Variants in C7orf33 observed in about 807,000 individuals in gnomAD.
C7orf33 encodes uncharacterized protein C7orf33.
C7orf33 carries 15 observed loss-of-function variants against 13.4 expected under a neutral mutation model. That is an observed-to-expected ratio of 1.12 (90% CI 0.75 to 1.72). The LOEUF (loss-of-function observed/expected upper bound fraction) is 1.72. Ranked by LOEUF, C7orf33 falls within the 40% of genes most tolerant of loss-of-function variation. The pLI is 0.00. For synonymous variants in C7orf33, 73 were observed against 83.2 expected (o/e 0.88, Z 0.67); for missense variants, 187 against 220.3 (o/e 0.85, Z 0.96).
At chr7:148,595,254 A>C (rs1796315214) in intron 1 of C7orf33, among the ~76,000 whole-genome samples, 1 of 144,062 alleles carries the variant, frequency 6.9e-6, no homozygotes. Context: ...GATATATATC[A>C]TGTATAATAT....
chr7:148,605,849 C>T (rs969599689), intron 1 of C7orf33, among the ~76,000 whole-genome samples: 6 of 152,176 alleles, frequency 3.9e-5, no homozygotes, highest in Non-Finnish European at 2.9e-5. Flanking sequence ...CTAGTTAACA[C>T]TTTTTATATT....
At chr7:148,607,502 T>C (rs1796487968) in intron 1 of C7orf33, among the ~76,000 whole-genome samples, 1 of 152,188 alleles carries the variant, frequency 6.6e-6, no homozygotes, top group South Asian at 2.1e-4. Flanking sequence ...AATGTAGATT[T>C]ATTGATTAAA....
intron 1 of C7orf33, among the ~76,000 whole-genome samples, chr7:148,602,734 G>A (rs1264662092): frequency 6.6e-6 from 1 of 152,112 alleles, no homozygotes; most frequent in Non-Finnish European, 1.5e-5. Flanking sequence ...AAACAAAACT[G>A]CCTTTATCCA....
At position 148,591,088 on chromosome 7, in the gene C7orf33, C is replaced by G. The variant is rs1281084333; in HGVS notation, c.163C>G (p.Pro55Ala). 6.2e-7 allele frequency: 1 copy of G among 1,613,626 alleles called. No homozygotes were observed. Among genetic ancestry groups the G allele is most frequent in the Non-Finnish European group, 8.5e-7 (1 of 1,179,906 alleles). The part of the protein sequence containing the change: ...VAVWVHVRGG[P>A]GQFNLSYATG... ...TGTTTGGGTCCACGTTAGGGGCGGT[C>G]CAGGTCAATTTAACTTGTCATATGC... The change falls in exon 1 of 3, where the codon CCA (proline) becomes GCA (alanine). Residue 55 changes from proline (P) to alanine (A), a missense_variant. Transcript: ENST00000307003.
chr7:148,611,456 G>T (rs1796542164), intron 1 of C7orf33, among the ~76,000 whole-genome samples: 1 of 152,206 alleles, frequency 6.6e-6, no homozygotes, highest in Admixed American at 6.5e-5. Context: ...CCGAGGGAAG[G>T]TCGGCCAGGG....
At chr7:148,599,592 A>G (rs1796390262) in intron 1 of C7orf33, among the ~76,000 whole-genome samples, 1 of 148,814 alleles carries the variant, frequency 6.7e-6, no homozygotes, top group South Asian at 2.1e-4. Context: ...TCCTGCCTCC[A>G]GCTTCCCAAG....
chr7:148,592,616 G>A (rs1294139216), intron 1 of C7orf33, among the ~76,000 whole-genome samples: 1 of 151,326 alleles, frequency 6.6e-6, no homozygotes, highest in Non-Finnish European at 1.5e-5. Flanking sequence ...CTGGGTTCAA[G>A]CGATTCTCCT....
intron 1 of C7orf33, among the ~76,000 whole-genome samples, chr7:148,602,202 T>C (rs768150322): frequency 6.6e-6 from 1 of 152,114 alleles, no homozygotes; most frequent in Non-Finnish European, 1.5e-5. Context: ...TAATTCACCA[T>C]TAAATTATTT....
chr7:148,591,246 G>T, intron 1 of C7orf33, 117 bp downstream of exon 1: 1 of 874,986 alleles, frequency 1.1e-6, no homozygotes, highest in Non-Finnish European at 1.8e-6. Flanking sequence ...TATGGAACTG[G>T]GCTTAACGAC....
chr7:148,595,635 A>G (rs1222778816), intron 1 of C7orf33, among the ~76,000 whole-genome samples: 32 of 79,332 alleles, frequency 4.0e-4, no homozygotes, highest in African/African-American at 3.1e-3. Context: ...ATATACATCT[A>G]TATTATATAG....
intron 1 of C7orf33, among the ~76,000 whole-genome samples, chr7:148,599,795 G>A (rs1463391534): frequency 6.6e-6 from 1 of 152,056 alleles, no homozygotes; most frequent in Non-Finnish European, 1.5e-5. Flanking sequence ...ATTTCTTAAA[G>A]TCCACCCTGG....
At position 148,590,992 on chromosome 7, in the gene C7orf33, G is replaced by C; in HGVS notation, c.67G>C (p.Glu23Gln). The C allele has an allele frequency of 6.2e-7, 1 of 1,614,212 alleles. No individual in the cohort carries two copies. Among genetic ancestry groups the C allele is most frequent in the Non-Finnish European group, 8.5e-7 (1 of 1,180,040 alleles). The change falls in exon 1 of 3, where the codon GAA becomes CAA. Residue 23 changes from glutamate to glutamine, a missense_variant. Physicochemically the swap from Glu to Gln is conservative, Grantham distance 29 (BLOSUM62 2). Coordinates refer to ENST00000307003, the MANE Select transcript of C7orf33 (RefSeq NM_145304.4). Reference protein sequence around the residue: ...CPWRLPGPQCECEALLPSGAR... With the variant: ...CPWRLPGPQCQCEALLPSGAR... ...CTGGAGACTTCCAGGCCCCCAATGT[G>C]AATGTGAAGCCCTCCTGCCCAGTGG... is the stretch of plus-strand genomic sequence containing the variant.
Position 148,591,130 on chromosome 7 carries a change from G to A in C7orf33, c.204+1G>A. The A allele has an allele frequency of 6.2e-7, 1 of 1,611,310 alleles. No individual in the cohort carries two copies. Among genetic ancestry groups the A allele is most frequent in the Non-Finnish European group, 8.5e-7 (1 of 1,177,852 alleles). ...GTCATATGCCACGGGAAGACATAAG[G>A]TAAGTTAATGATTCTAAGATGAATC... is the stretch of plus-strand genomic sequence containing the variant. On this transcript the variant is annotated splice_donor_variant, in intron 1 of 2. Coordinates refer to ENST00000307003, the MANE Select transcript of C7orf33 (RefSeq NM_145304.4). LOFTEE classifies it high-confidence loss of function.
At chr7:148,609,053 T>C (rs929129857) in intron 1 of C7orf33, among the ~76,000 whole-genome samples, 1 of 151,592 alleles carries the variant, frequency 6.6e-6, no homozygotes, top group African/African-American at 2.4e-5. Flanking sequence ...AAAGGGGTTT[T>C]CATGTGTGTG....
At chr7:148,591,462 T>C (rs1585451094) in intron 1 of C7orf33, among the ~76,000 whole-genome samples, 1 of 152,202 alleles carries the variant, frequency 6.6e-6, no homozygotes, top group African/African-American at 2.4e-5. Context: ...GACTATGTTT[T>C]GCCCTGGAGA....
chr7:148,615,217 G>A (rs1055948303), intron 2 of C7orf33, 110 bp from the exon 3 acceptor site: 3 of 741,368 alleles, frequency 4.0e-6, no homozygotes, highest in East Asian at 5.7e-5. Context: ...GGGATTACAG[G>A]CATGAGCCAC....
At chr7:148,603,157 A>G (rs1028434347) in intron 1 of C7orf33, among the ~76,000 whole-genome samples, 4 of 152,220 alleles carry the variant, frequency 2.6e-5, no homozygotes, top group African/African-American at 9.7e-5. Flanking sequence ...CACAGAAATG[A>G]GGAGAGGAAA....
intron 2 of C7orf33, 75 bp from the exon 3 acceptor site, chr7:148,615,252 A>T: frequency 9.8e-7 from 1 of 1,020,276 alleles, no homozygotes; most frequent in Non-Finnish European, 1.6e-6. Flanking sequence ...ACAGTGTTTT[A>T]AACTGTGCTA....
intron 1 of C7orf33, among the ~76,000 whole-genome samples, chr7:148,612,581 T>C (rs190344777): frequency 7.9e-5 from 12 of 152,274 alleles, no homozygotes; most frequent in African/African-American, 2.6e-4. Flanking sequence ...GCAAAGAATA[T>C]GAACAGATAT....
Sources: gnomAD v4.1 joint callset for allele counts (sites outside exome capture counted in the v4.1 genomes callset) on GRCh38, gnomAD v4.1.1 for gene constraint, MANE v1.5 for transcripts, NCBI Gene and HGNC (gene_info 2026-07-23, HGNC 2026-07-21) for gene names.